CACNA1S: variants seen among roughly 807,000 people sequenced by gnomAD.
CACNA1S encodes the protein voltage-dependent L-type calcium channel subunit alpha-1S.
In CACNA1S, 126 loss-of-function variants were observed where a neutral mutation model predicts 207.4. That is an observed-to-expected ratio of 0.61 (90% CI 0.53 to 0.70). CACNA1S has a LOEUF of 0.70. CACNA1S is among the 30% of genes least tolerant of loss of function. CACNA1S has a pLI of 0.00. For synonymous variants in CACNA1S, 960 were observed against 932.7 expected (o/e 1.03, Z -0.53); for missense variants, 2,349 against 2,422.8 (o/e 0.97, Z 0.64).
rs143836984 is a variant in CACNA1S, at chr1:201,061,411, G to T, written c.3111C>A (p.Asn1037Lys). 6.2e-7 allele frequency: 1 copy of T among 1,614,056 alleles called. No individual in the cohort carries two copies. Among genetic ancestry groups the T allele is most frequent in the Non-Finnish European group, 8.5e-7 (1 of 1,179,982 alleles). The change falls in exon 25 of 44, where the codon AAC becomes AAA. Residue 1037 changes from asparagine to lysine, a missense_variant. Asn to Lys is a moderately conservative substitution (Grantham distance 94). Coordinates refer to ENST00000362061, the MANE Select transcript of CACNA1S (RefSeq NM_000069.3). ...NAEDVGPIYN[N>K]RVEMAIFFII... ...TGAAGAAGATGGCCATCTCCACACGGTTGTTGTAGATGGGACCCACGTCCT... is the reference window on the plus strand; with the variant it reads ...TGAAGAAGATGGCCATCTCCACACGTTTGTTGTAGATGGGACCCACGTCCT...
chr1:201,051,258 A>C (rs1271989110), intron 32 of CACNA1S, 115 bp from the exon 33 acceptor site: 1 of 970,686 alleles, frequency 1.0e-6, no homozygotes, highest in Admixed American at 1.8e-5. Context: ...CTGTTGTCCA[A>C]TGGTAAGGAG....
rs570053299 is a variant in CACNA1S at position 201,096,933 on chromosome 1, G to A, written c.259-2912C>T. Among the ~76,000 whole-genome samples, 7 of 152,214 alleles carry A rather than the reference G, an allele frequency of 4.6e-5. No individual in the cohort carries two copies. In the South Asian group the frequency reaches 1.0e-3, roughly 23 times the overall value. Reference sequence around the variant, plus strand: ...TGGGTGGTCACCAGGGCTTGGCTTCGACCCACCTCACACTCAGTATGTTTG... The same window carrying A: ...TGGGTGGTCACCAGGGCTTGGCTTCAACCCACCTCACACTCAGTATGTTTG... On this transcript the variant is annotated intron_variant, in intron 2 of 43. Coordinates refer to ENST00000362061, the MANE Select transcript of CACNA1S (RefSeq NM_000069.3).
At chr1:201,044,505 A>T in intron 38 of CACNA1S, 49 bp from the exon 39 acceptor site, 1 of 1,600,004 alleles carries the variant, frequency 6.2e-7, no homozygotes, top group Non-Finnish European at 8.5e-7. Context: ...AGGAGAGGAG[A>T]CCAGAACCAC....
chr1:201,094,829 C>G (rs1050188972), intron 2 of CACNA1S, among the ~76,000 whole-genome samples: 7 of 152,046 alleles, frequency 4.6e-5, no homozygotes, highest in Admixed American at 1.3e-4. Context: ...AAGGCCCGGC[C>G]GACACTCCAG....
At chr1:201,079,960 G>T (rs538743648) in intron 10 of CACNA1S, among the ~76,000 whole-genome samples, 2 of 152,182 alleles carry the variant, frequency 1.3e-5, no homozygotes, top group Non-Finnish European at 2.9e-5. Context: ...GTTTGGGGTA[G>T]TCCTTTGTGA....
At position 201,040,086 on chromosome 1, in the gene CACNA1S, C is replaced by T. The variant is rs761818903; in HGVS notation, c.5371-4G>A. ...CCAGGCCCCCTCGAACCAGAGCCTG[C>T]AGGGAGGAGAGTAGGCTGAGTGGGG... On this transcript the variant is annotated splice_region_variant and splice_polypyrimidine_tract_variant and intron_variant, in intron 43 of 43. Coordinates refer to ENST00000362061, the MANE Select transcript of CACNA1S (RefSeq NM_000069.3). 1 of 1,614,186 alleles carries T rather than the reference C, an allele frequency of 6.2e-7. No individual in the cohort carries two copies. The highest frequency in any genetic ancestry group is 8.5e-7 in the Non-Finnish European group (1 of 1,180,010).
intron 22 of CACNA1S, among the ~76,000 whole-genome samples, chr1:201,063,088 G>A (rs529697945): frequency 6.6e-6 from 1 of 151,632 alleles, no homozygotes; most frequent in East Asian, 1.9e-4. Context: ...AGGTAGGGGG[G>A]CTCTGTGCTC....
rs72749197 is a variant in CACNA1S at position 201,087,621 on chromosome 1, T to C, written c.1004+205A>G. The stretch of plus-strand genomic sequence containing the variant: ...GGAAGCGCTCTTGGCCCAACTGAGA[T>C]GACAGGGAACCCAGGGATGAGCCGA... On this transcript the variant is annotated intron_variant, in intron 7 of 43. Coordinates refer to ENST00000362061, the MANE Select transcript of CACNA1S (RefSeq NM_000069.3). Among the ~76,000 whole-genome samples the C allele has an allele frequency of 0.059, 8,972 of 152,148 alleles. 367 individuals carry two copies. Among genetic ancestry groups the C allele is most frequent in the Non-Finnish European group, 0.094 (6,397 of 67,962 alleles).
At position 201,050,300 on chromosome 1, in the gene CACNA1S, A is replaced by G. The variant is rs1660606656; in HGVS notation, c.4241+89T>C. On this transcript the variant is annotated intron_variant, in intron 34 of 43. Coordinates refer to ENST00000362061, the MANE Select transcript of CACNA1S (RefSeq NM_000069.3). ...AAGGGGGAAGGAGAAGCCCACTCAT[A>G]CTGAATAAACTGGAGAGTGACTCCC... 50 of 1,400,394 alleles carry G rather than the reference A, an allele frequency of 3.6e-5. 1 individual carries two copies. Among genetic ancestry groups the G allele is most frequent in the Non-Finnish European group, 5.0e-5 (49 of 986,796 alleles). 86.7% of individuals were successfully genotyped at this position (1,400,394 alleles called of 1,614,324 possible). A position where few individuals can be genotyped will look rare whatever the true frequency, so the allele number is the denominator to read the frequency against.
intron 28 of CACNA1S, among the ~76,000 whole-genome samples, chr1:201,055,071 G>T (rs544203970): frequency 1.3e-5 from 2 of 152,304 alleles, no homozygotes; most frequent in South Asian, 4.1e-4. Context: ...CTCTGTCCAG[G>T]ACTGGACCTG....
intron 2 of CACNA1S, among the ~76,000 whole-genome samples, chr1:201,094,350 A>G (rs1188860596): frequency 6.6e-6 from 1 of 152,140 alleles, no homozygotes; most frequent in Non-Finnish European, 1.5e-5. Flanking sequence ...CTTAAATACC[A>G]TATCTATATA....
At chr1:201,087,761 C>T in intron 7 of CACNA1S, 65 bp downstream of exon 7, 2 of 1,101,386 alleles carry the variant, frequency 1.8e-6, no homozygotes, top group Non-Finnish European at 2.8e-6. Flanking sequence ...GTTCCTTTTC[C>T]TTCCTCCTCC....
rs1398765212 is a variant in CACNA1S, at chr1:201,041,608, T to A, written c.5049-19A>T. ...GTGGACACTGAAATGGAAGCAAGGC[T>A]GGGTGAACCAGAGAAGGCTGCTAGC... On this transcript the variant is annotated intron_variant, in intron 40 of 43. Transcript: ENST00000362061. 6.3e-7 allele frequency: 1 copy of A among 1,583,084 alleles called. No individual in the cohort carries two copies. Among genetic ancestry groups the A allele is most frequent in the Non-Finnish European group, 8.7e-7 (1 of 1,151,904 alleles).
At chr1:201,102,421 G>A (rs890800439) in intron 2 of CACNA1S, among the ~76,000 whole-genome samples, 9 of 152,076 alleles carry the variant, frequency 5.9e-5, no homozygotes, top group South Asian at 4.2e-4. Flanking sequence ...CGTCAGCCTC[G>A]GATACTGTCT....
At chr1:201,100,946 C>G (rs756910831) in intron 2 of CACNA1S, among the ~76,000 whole-genome samples, 1 of 151,738 alleles carries the variant, frequency 6.6e-6, no homozygotes, top group Non-Finnish European at 1.5e-5. Context: ...AAAGGGCTAA[C>G]GCAGTAATAG....
chr1:201,060,506 G>T lies in CACNA1S; in HGVS notation c.3414+152C>A, dbSNP rs572528837. ...TGCCTGGTGACAAGGCCTGTGCGCA[G>T]TTCACTTCTGTATTCCATGTAGCAC... On this transcript the variant is annotated intron_variant, in intron 26 of 43. Transcript: ENST00000362061. 9.9e-5 allele frequency: 79 copies of T among 797,496 alleles called. No individual in the cohort carries two copies. In the South Asian group the frequency reaches 1.3e-3, roughly 13 times the overall value. The allele number at this position is 797,496 out of a possible 1,614,324, so 49.4% of individuals were successfully genotyped here.
chr1:201,046,734 G>A (rs556947614), intron 38 of CACNA1S, among the ~76,000 whole-genome samples: 239 of 148,866 alleles, frequency 1.6e-3, no homozygotes, highest in Non-Finnish European at 1.5e-3. Flanking sequence ...GGGTTTCGCC[G>A]TGTTGGCCAG....
Position 201,091,806 on chromosome 1 carries a change from C to A in CACNA1S, c.542-14G>T. The A allele has an allele frequency of 6.2e-7, 1 of 1,611,586 alleles. No individual in the cohort carries two copies. The highest frequency in any genetic ancestry group is 8.5e-7 in the Non-Finnish European group (1 of 1,178,678). ...CCACCTGCAGGCCTGCAGAGGCAGG[C>A]AGGGAAGGGAAAAGAGGAGTCGCCT... On this transcript the variant is annotated splice_polypyrimidine_tract_variant and intron_variant, in intron 4 of 43. Coordinates refer to ENST00000362061, the MANE Select transcript of CACNA1S (RefSeq NM_000069.3).
intron 41 of CACNA1S, among the ~76,000 whole-genome samples, chr1:201,041,150 T>A (rs948538177): frequency 1.6e-4 from 24 of 152,056 alleles, no homozygotes; most frequent in Admixed American, 1.1e-3. Flanking sequence ...AGTCAAGACG[T>A]CAGTGTGTCC....
Sources: allele counts gnomAD v4.1 joint callset (sites outside exome capture counted in the v4.1 genomes callset), GRCh38; gene constraint gnomAD v4.1.1; transcripts MANE v1.5; gene names NCBI Gene and HGNC (gene_info 2026-07-23, HGNC 2026-07-21).